Variants in ANOS1 observed in about 807,000 individuals in gnomAD.
The protein encoded by ANOS1 is anosmin-1.
In ANOS1, 6 loss-of-function variants were observed where a neutral mutation model predicts 59.0. The observed-to-expected ratio is 0.10, with a 90% CI of 0.06 to 0.20. The LOEUF is 0.20. ANOS1 is among the 10% of genes least tolerant of loss of function. The pLI is 1.00. For missense variants in ANOS1, 433 were observed against 542.3 expected (o/e 0.80, Z 2.00); for synonymous variants, 217 against 223.4 (o/e 0.97, Z 0.25).
intron 2 of ANOS1, among the ~76,000 whole-genome samples, chrX:8,644,469 T>C (rs1931718459): frequency 9.1e-6 from 1 of 109,435 alleles, no homozygotes; most frequent in African/African-American, 3.3e-5. Context: ...ACATGACAGA[T>C]AGCAGGCCCT....
At chrX:8,590,032 T>C (rs1053335565) in intron 4 of ANOS1, among the ~76,000 whole-genome samples, 3 of 111,898 alleles carry the variant, frequency 2.7e-5, no homozygotes, top group African/African-American at 9.7e-5. Context: ...GTTCCCAACC[T>C]ATTTCCCTGC....
intron 2 of ANOS1, among the ~76,000 whole-genome samples, chrX:8,667,259 C>T: frequency 9.1e-6 from 1 of 109,948 alleles, no homozygotes; most frequent in Non-Finnish European, 1.9e-5. Context: ...ACAAATGAAA[C>T]TCTTCTCTAA....
chrX:8,560,280 G>A, intron 8 of ANOS1, among the ~76,000 whole-genome samples: 1 of 111,532 alleles, frequency 9.0e-6, no homozygotes, highest in East Asian at 2.8e-4. Context: ...TTGACTCCAG[G>A]TGTGTTCCTG....
At chrX:8,618,457 G>A (rs1341456459) in intron 3 of ANOS1, among the ~76,000 whole-genome samples, 1 of 111,938 alleles carries the variant, frequency 8.9e-6, no homozygotes, top group East Asian at 2.8e-4. Context: ...AATCAGAAAC[G>A]TCAAAGTCAA....
At chrX:8,653,840 T>G (rs749994197) in intron 2 of ANOS1, among the ~76,000 whole-genome samples, 2 of 111,982 alleles carry the variant, frequency 1.8e-5, no homozygotes, top group Non-Finnish European at 3.8e-5. Flanking sequence ...CAGTAGGTAT[T>G]CAATAAATAT....
intron 2 of ANOS1, among the ~76,000 whole-genome samples, chrX:8,681,027 G>T (rs1436632061): frequency 9.0e-6 from 1 of 111,492 alleles, no homozygotes; most frequent in Non-Finnish European, 1.9e-5. Context: ...TAGTAAACAA[G>T]CCTTATCTAC....
At chrX:8,624,011 CTTTTTTTTTTTT>C (rs566769185) in intron 2 of ANOS1, among the ~76,000 whole-genome samples, 2 of 69,414 alleles carry the variant, frequency 2.9e-5, no homozygotes, top group South Asian at 7.8e-4. Context: ...CTTTTCTTTT[CTTTTTTTTTTTT>C]TTTTTTTTTT....
intron 1 of ANOS1, among the ~76,000 whole-genome samples, chrX:8,720,043 A>G (rs1013686466): frequency 3.6e-5 from 4 of 111,704 alleles, no homozygotes; most frequent in Non-Finnish European, 5.6e-5. Flanking sequence ...AATTTTCAAA[A>G]TTCTTTTTTT....
intron 6 of ANOS1, among the ~76,000 whole-genome samples, chrX:8,574,315 A>C (rs1235260500): frequency 9.0e-6 from 1 of 110,701 alleles, no homozygotes; most frequent in Non-Finnish European, 1.9e-5. Flanking sequence ...AAAAAAAAAA[A>C]AAAAAGTCAC....
chrX:8,581,679 G>C (rs1243920523), intron 6 of ANOS1, among the ~76,000 whole-genome samples: 1 of 111,780 alleles, frequency 8.9e-6, no homozygotes, highest in African/African-American at 3.3e-5. Context: ...ACACTAACAA[G>C]ATGCTGCCAC....
chrX:8,620,787 TC>T (rs1487361730), intron 3 of ANOS1, among the ~76,000 whole-genome samples: 1 of 111,762 alleles, frequency 8.9e-6, no homozygotes, highest in African/African-American at 3.3e-5. Flanking sequence ...GCATCTGTTT[TC>T]CCCACCTTTC....
At chrX:8,646,551 T>C (rs1310252516) in intron 2 of ANOS1, among the ~76,000 whole-genome samples, 1 of 111,151 alleles carries the variant, frequency 9.0e-6, no homozygotes, top group African/African-American at 3.3e-5. Context: ...GAAAGCTTCA[T>C]GTATTTTGTA....
chrX:8,548,553 A>G (rs892216054), intron 9 of ANOS1, among the ~76,000 whole-genome samples: 2 of 112,159 alleles, frequency 1.8e-5, no homozygotes, highest in Non-Finnish European at 3.8e-5. Context: ...GAGCAGATGC[A>G]TGGTCTACAA....
chrX:8,626,865 A>G (rs1256789764), intron 2 of ANOS1, among the ~76,000 whole-genome samples: 1 of 110,027 alleles, frequency 9.1e-6, no homozygotes, highest in African/African-American at 3.3e-5. Context: ...CGTCTCAAAA[A>G]AAAAAAAAAA....
At chrX:8,589,785 G>A (rs1200627099) in intron 4 of ANOS1, among the ~76,000 whole-genome samples, 1 of 112,377 alleles carries the variant, frequency 8.9e-6, no homozygotes, top group South Asian at 3.7e-4. Flanking sequence ...CCCTGGCTAA[G>A]CTGCAGACCA....
chrX:8,571,677 C>T (rs1930235616), intron 6 of ANOS1, among the ~76,000 whole-genome samples: 1 of 111,822 alleles, frequency 8.9e-6, no homozygotes, highest in Admixed American at 9.5e-5. Context: ...CAAATCTCCA[C>T]TGAAAATACA....
At chrX:8,641,773 T>C (rs190300250) in intron 2 of ANOS1, among the ~76,000 whole-genome samples, 1 of 112,140 alleles carries the variant, frequency 8.9e-6, no homozygotes, top group East Asian at 2.8e-4. Flanking sequence ...GCTCATCTTT[T>C]CTAAAAAGTA....
At chrX:8,680,831 A>T (rs56709716) in intron 2 of ANOS1, among the ~76,000 whole-genome samples, 4,583 of 111,848 alleles carry the variant, frequency 0.041, 237 homozygotes, top group African/African-American at 0.14. Flanking sequence ...CATAAGGATT[A>T]TTTTGAGCTG....
At chrX:8,580,684 G>C (rs1307080673) in intron 6 of ANOS1, among the ~76,000 whole-genome samples, 1 of 111,843 alleles carries the variant, frequency 8.9e-6, no homozygotes. Flanking sequence ...ATGAAAATCA[G>C]TTTTATAGTC....
Sources: gnomAD v4.1 joint callset for allele counts (sites outside exome capture counted in the v4.1 genomes callset) on GRCh38, gnomAD v4.1.1 for gene constraint, MANE v1.5 for transcripts, NCBI Gene and HGNC (gene_info 2026-07-23, HGNC 2026-07-21) for gene names.